The following PCDHA8 variants were observed in gnomAD, a reference collection of about 807,000 sequenced individuals.
PCDHA8 encodes the protein protocadherin alpha 8, also known as protocadherin alpha-8.
Under a neutral mutation model 61.8 loss-of-function variants are expected in PCDHA8, and 53 were observed. That is an observed-to-expected ratio of 0.86 (90% CI 0.69 to 1.08). The LOEUF (loss-of-function observed/expected upper bound fraction) is 1.08, where lower values mean the gene tolerates loss of function less well. Ranked by LOEUF, PCDHA8 falls within the 50% of genes least tolerant of loss-of-function variation. The pLI is 0.00. For missense variants in PCDHA8, 1,293 were observed against 1,245.0 expected (o/e 1.04, Z -0.58); for synonymous variants, 618 against 556.6 (o/e 1.11, Z -1.55).
chr5:140,875,808 G>A (rs1554167962), intron 1 of PCDHA8: 1 of 1,614,226 alleles, frequency 6.2e-7, no homozygotes, highest in South Asian at 1.1e-5. Flanking sequence ...TCGTGGACAG[G>A]CCGCTGCAGG....
At chr5:140,856,781 G>C in intron 1 of PCDHA8, 1 of 1,596,356 alleles carries the variant, frequency 6.3e-7, no homozygotes, top group South Asian at 1.1e-5. Context: ...TGACAGACCG[G>C]TTTATGAAGT....
chr5:140,933,314 G>A (rs925777839), intron 1 of PCDHA8, among the ~76,000 whole-genome samples: 2 of 151,914 alleles, frequency 1.3e-5, no homozygotes, highest in Non-Finnish European at 2.9e-5. Flanking sequence ...ATGCAATCTC[G>A]TATTCTCCTG....
In PCDHA8 at chr5:140,893,407, C is replaced by T. The variant is rs782798159; in HGVS notation, c.2394+49692C>T. Among the ~76,000 whole-genome samples, 300 of 152,168 alleles carry T rather than the reference C, an allele frequency of 2.0e-3. 2 individuals are homozygous for T. The highest frequency in any genetic ancestry group is 3.7e-3 in the Non-Finnish European group (250 of 67,998). The stretch of plus-strand genomic sequence containing the variant: ...GTGGCTCATGCCTGTAATCCCAGCA[C>T]TTAGGGAGGCAGAGGCAGGAAGATC... On this transcript the variant is annotated intron_variant, in intron 1 of 3. Transcript: ENST00000531613.
chr5:140,864,851 A>G (rs1554159167), intron 1 of PCDHA8: 1 of 152,190 alleles, frequency 6.6e-6, no homozygotes, highest in Non-Finnish European at 1.5e-5. Context: ...CTTCCCATAC[A>G]TGATGAAGGG....
rs180868237 is a variant in PCDHA8 at position 140,870,334 on chromosome 5, G to A, written c.2394+26619G>A. 21 of 1,614,166 alleles carry A rather than the reference G, an allele frequency of 1.3e-5. No individual in the cohort carries two copies. The Admixed American group carries it at 2.3e-4, about 18-fold the overall frequency. On this transcript the variant is annotated intron_variant, in intron 1 of 3. Transcript: ENST00000531613. ...TTACTACTCGTTGGTGCTGGACAGC[G>A]CCCTGGACCGCGAGAACGTGTGGGC...
Position 140,843,714 on chromosome 5 carries a change from A to C in PCDHA8, c.2393A>C (p.Lys798Thr), listed in dbSNP as rs782749981. ...GATTTAAATGTTGATCATGGCCTCA[A>C]AGTAAGTCCATTTAAATTTAGAACT... is the stretch of plus-strand genomic sequence containing the variant. ...EQDLNVDHGL[K>T]PRQPNPDWRY... The change falls in exon 1 of 4, where the codon AAA (lysine) becomes ACA (threonine). Residue 798 changes from lysine to threonine, a missense_variant and splice_region_variant. Transcript: ENST00000531613. The C allele has an allele frequency of 2.5e-6, 4 of 1,569,610 alleles. 1 individual carries two copies. The highest frequency in any genetic ancestry group is 1.4e-5 in the African/African-American group (1 of 73,998).
intron 1 of PCDHA8, among the ~76,000 whole-genome samples, chr5:140,890,543 C>T (rs1388914629): frequency 6.6e-6 from 1 of 152,012 alleles, no homozygotes; most frequent in Non-Finnish European, 1.5e-5. Context: ...TTTGAAATGA[C>T]TGAGTACTTT....
At chr5:140,909,977 G>A (rs1554194042) in intron 1 of PCDHA8, among the ~76,000 whole-genome samples, 2 of 152,214 alleles carry the variant, frequency 1.3e-5, no homozygotes, top group African/African-American at 4.8e-5. Flanking sequence ...AAGGATGGGA[G>A]AAAGACTAAC....
intron 1 of PCDHA8, chr5:140,852,541 G>T: frequency 3.7e-6 from 2 of 544,548 alleles, no homozygotes; most frequent in Middle Eastern, 9.4e-4. Context: ...CTCCCAAAGT[G>T]CTGGGATTAA....
intron 3 of PCDHA8, among the ~76,000 whole-genome samples, chr5:140,984,667 T>A (rs1554246463): frequency 6.6e-6 from 1 of 152,160 alleles, no homozygotes; most frequent in Non-Finnish European, 1.5e-5. Flanking sequence ...TACTTTTAGG[T>A]TTTTAGGACT....
chr5:140,902,818 T>G (rs1554190664), intron 1 of PCDHA8, among the ~76,000 whole-genome samples: 1 of 152,062 alleles, frequency 6.6e-6, no homozygotes, highest in Non-Finnish European at 1.5e-5. Flanking sequence ...CAATATTTGG[T>G]TTTCGATTTC....
Position 140,880,405 on chromosome 5 carries a change from G to T in PCDHA8, c.2394+36690G>T, listed in dbSNP as rs183953148. Among the ~76,000 whole-genome samples, 426 of 152,300 alleles carry T rather than the reference G, an allele frequency of 2.8e-3. 2 individuals carry two copies. The highest frequency in any genetic ancestry group is 0.014 in the Middle Eastern group (4 of 294). On this transcript the variant is annotated intron_variant, in intron 1 of 3. Coordinates refer to ENST00000531613, the MANE Select transcript of PCDHA8 (RefSeq NM_018911.3). ...AAATAATTTTTAAGAGCATATGGTTGACCTTAAAAGCGGGAACAGTTTTTC... is the reference window on the plus strand; with the variant it reads ...AAATAATTTTTAAGAGCATATGGTTTACCTTAAAAGCGGGAACAGTTTTTC...
intron 1 of PCDHA8, chr5:140,849,719 G>T (rs1386986772): frequency 6.3e-7 from 1 of 1,598,444 alleles, no homozygotes; most frequent in African/African-American, 1.3e-5. Context: ...ACTCGTTGGT[G>T]CTGGACAGAG....
At position 140,968,158 on chromosome 5, in the gene PCDHA8, C is replaced by T. The variant is rs191279827; in HGVS notation, c.2395-10791C>T. The T allele has an allele frequency of 3.7e-6, 6 of 1,614,124 alleles. No individual in the cohort carries two copies. The African/African-American group carries it at 4.0e-5, about 11-fold the overall frequency. On this transcript the variant is annotated intron_variant, in intron 1 of 3. Transcript: ENST00000531613. ...AGGTTGAGATCTCTGACATCAATGA[C>T]AATCCACCAAGCTTCCTGGAGGACT...
Position 140,856,403 on chromosome 5 carries a change from G to A in PCDHA8, c.2394+12688G>A, listed in dbSNP as rs782447462. On this transcript the variant is annotated intron_variant, in intron 1 of 3. Coordinates refer to ENST00000531613, the MANE Select transcript of PCDHA8 (RefSeq NM_018911.3). ...CAGGCCGCTGCAGGTTTTCCATGTG[G>A]ACGTGGAAGTGAAGGACATTAACGA... 5.8e-5 allele frequency: 92 copies of A among 1,598,448 alleles called. 11 individuals are homozygous for A. The highest frequency in any genetic ancestry group is 7.7e-5 in the Non-Finnish European group (90 of 1,168,002).
intron 1 of PCDHA8, among the ~76,000 whole-genome samples, chr5:140,912,341 G>GT (rs1430124831): frequency 9.5e-5 from 12 of 126,362 alleles, no homozygotes; most frequent in African/African-American, 4.2e-4. Flanking sequence ...AGTACACTAA[G>GT]TATTTTTTTT....
intron 1 of PCDHA8, among the ~76,000 whole-genome samples, chr5:140,937,123 C>T (rs1255527159): frequency 1.3e-5 from 2 of 151,390 alleles, no homozygotes; most frequent in Non-Finnish European, 2.9e-5. Context: ...CTGCAAGCTC[C>T]GCCTCCCGGG....
chr5:140,853,597 G>A lies in PCDHA8; in HGVS notation c.2394+9882G>A, dbSNP rs2042800183. 3.0e-6 allele frequency: 3 copies of A among 986,998 alleles called. 1 individual carries two copies. The highest frequency in any genetic ancestry group is 3.7e-6 in the Non-Finnish European group (3 of 819,142). The allele number at this position is 986,998 out of a possible 1,614,324, so 61.1% of individuals were successfully genotyped here. A position where few individuals can be genotyped will look rare whatever the true frequency, so the allele number is the denominator to read the frequency against. On this transcript the variant is annotated intron_variant, in intron 1 of 3. Transcript: ENST00000531613. ...ACCCAATATCTTAGACACTTTGAGA[G>A]CAAAGGGGGTGCTGTAAATAAGTAT... is the stretch of plus-strand genomic sequence containing the variant.
At chr5:140,920,425 C>T (rs1444166830) in intron 1 of PCDHA8, among the ~76,000 whole-genome samples, 1 of 151,960 alleles carries the variant, frequency 6.6e-6, no homozygotes, top group Non-Finnish European at 1.5e-5. Flanking sequence ...GCTGTTCTCC[C>T]ACACACCTCT....
Sources: allele counts gnomAD v4.1 joint callset (sites outside exome capture counted in the v4.1 genomes callset), GRCh38; gene constraint gnomAD v4.1.1; transcripts MANE v1.5; gene names NCBI Gene and HGNC (gene_info 2026-07-23, HGNC 2026-07-21).